Variants in CDK11A observed in about 807,000 individuals in gnomAD.
CDK11A encodes cyclin dependent kinase 11A, also known as cyclin-dependent kinase 11A.
In CDK11A, 55 loss-of-function variants were observed where a neutral mutation model predicts 83.6. The observed-to-expected ratio is 0.66, with a 90% CI of 0.53 to 0.82. CDK11A has a LOEUF of 0.82. CDK11A is among the 40% of genes least tolerant of loss of function. The probability of loss-of-function intolerance (pLI) is 0.00; values close to 1 mark genes in which losing one functional copy is unlikely to be tolerated. For missense variants in CDK11A, 564 were observed against 810.1 expected (o/e 0.70, Z 3.69); for synonymous variants, 247 against 302.7 (o/e 0.82, Z 1.91).
chr1:1,708,592 G>C lies in CDK11A; in HGVS notation c.1003+202C>G, dbSNP rs1185041311. On this transcript the variant is annotated intron_variant, in intron 9 of 19. Coordinates refer to ENST00000404249, the MANE Select transcript of CDK11A (RefSeq NM_024011.4). ...GGAGGCAGAGGTTGCAGTGAGCCGA[G>C]ATCATGCCACTGCACTCCAGCCTGG... Among the ~76,000 whole-genome samples, 480 of 133,624 alleles carry C rather than the reference G, an allele frequency of 3.6e-3. 8 individuals carry two copies. The highest frequency in any genetic ancestry group is 0.013 in the African/African-American group (464 of 37,026). The allele number at this position is 133,624 out of a possible 152,430, so 87.7% of individuals were successfully genotyped here.
chr1:1,713,858 C>A lies in CDK11A; in HGVS notation c.489-1458G>T, dbSNP rs1349142233. Reference sequence around the variant, plus strand: ...AGTATTTCCTTTAAGGCAGGTTTCGCCAACAATGAATCCCACCAGTCTCTG... The same window carrying A: ...AGTATTTCCTTTAAGGCAGGTTTCGACAACAATGAATCCCACCAGTCTCTG... On this transcript the variant is annotated intron_variant, in intron 5 of 19. Transcript: ENST00000404249. 8.9e-5 allele frequency among the ~76,000 whole-genome samples: 4 copies of A among 45,020 alleles called. 2 individuals carry two copies. The highest frequency in any genetic ancestry group is 1.5e-4 in the African/African-American group (4 of 26,050). The allele number at this position is 45,020 out of a possible 152,430, so 29.5% of individuals were successfully genotyped here. A position where few individuals can be genotyped will look rare whatever the true frequency, so the allele number is the denominator to read the frequency against.
chr1:1,707,115 G>A (rs1394107425), intron 11 of CDK11A, among the ~76,000 whole-genome samples: 21 of 143,670 alleles, frequency 1.5e-4, no homozygotes, highest in Non-Finnish European at 2.7e-4. Context: ...GTGCGGAGGA[G>A]GACGCAACTC....
At position 1,704,954 on chromosome 1, in the gene CDK11A, C is replaced by G. The variant is rs547132690; in HGVS notation, c.1408G>C (p.Glu470Gln). 16 of 1,598,184 alleles carry G rather than the reference C, an allele frequency of 1.0e-5. No homozygotes were observed. The African/African-American group carries it at 1.9e-4, about 18-fold the overall frequency. ...TGGGCCTTGAGGATGGTGTTGATCT[C>G]CCTCAGGGACGTGATCGGGAAGCCC... ...KEGFPITSLR[E>Q]INTILKAQHP... The change falls in exon 13 of 20, where the codon GAG becomes CAG. Residue 470 changes from glutamate (E) to glutamine (Q), a missense_variant. Glu to Gln is a conservative substitution (Grantham distance 29). Transcript: ENST00000404249.
At chr1:1,704,170 T>A in intron 15 of CDK11A, 24 bp from the exon 16 acceptor site, 1 of 1,607,004 alleles carries the variant, frequency 6.2e-7, no homozygotes, top group South Asian at 1.1e-5. Context: ...TGGGCGGCTG[T>A]GGGTGGGCCT....
At chr1:1,714,765 G>A (rs1168306807) in intron 5 of CDK11A, among the ~76,000 whole-genome samples, 2 of 135,834 alleles carry the variant, frequency 1.5e-5, no homozygotes, top group African/African-American at 2.6e-5. Flanking sequence ...GGCGTCATTC[G>A]CATCTGTGGC....
intron 6 of CDK11A, among the ~76,000 whole-genome samples, chr1:1,710,409 C>G (rs961385436): frequency 1.5e-5 from 1 of 68,622 alleles, no homozygotes; most frequent in Non-Finnish European, 3.6e-5. Flanking sequence ...GGAAAAGGCT[C>G]AGGCTCAGAA....
Position 1,708,262 on chromosome 1 carries a change from G to T in CDK11A, c.1004-17C>A. 1 of 1,502,260 alleles carries T rather than the reference G, an allele frequency of 6.7e-7. No homozygotes were observed. Among genetic ancestry groups the T allele is most frequent in the South Asian group, 1.2e-5 (1 of 81,738 alleles). The allele number at this position is 1,502,260 out of a possible 1,614,324, so 93.1% of individuals were successfully genotyped here. A position where few individuals can be genotyped will look rare whatever the true frequency, so the allele number is the denominator to read the frequency against. On this transcript the variant is annotated splice_polypyrimidine_tract_variant and intron_variant, in intron 9 of 19. Coordinates refer to ENST00000404249, the MANE Select transcript of CDK11A (RefSeq NM_024011.4). ...TTACTTCTTCTGCAAGAGAAAGGAG[G>T]CGTCTGCTCAGACCAGCACCGGGGC... is the stretch of plus-strand genomic sequence containing the variant.
chr1:1,718,019 T>C (rs200990937), intron 4 of CDK11A, among the ~76,000 whole-genome samples: 34 of 127,770 alleles, frequency 2.7e-4, no homozygotes, highest in Non-Finnish European at 5.1e-4. Context: ...TTTCGGTCTG[T>C]GACACACGCA....
In CDK11A at chr1:1,707,015, C is replaced by G. The variant is rs1173067869; in HGVS notation, c.1245+394G>C. 3.5e-5 allele frequency among the ~76,000 whole-genome samples: 5 copies of G among 143,282 alleles called. 1 individual carries two copies. Among genetic ancestry groups the G allele is most frequent in the Admixed American group, 1.4e-4 (2 of 14,778 alleles). The allele number at this position is 143,282 out of a possible 152,430, so 94.0% of individuals were successfully genotyped here. A position where few individuals can be genotyped will look rare whatever the true frequency, so the allele number is the denominator to read the frequency against. ...ACACTGACTCCCGTAGCCGCTCCCC[C>G]ATCCAAGCCCTGCACAGATGCCGGT... On this transcript the variant is annotated intron_variant, in intron 11 of 19. Coordinates refer to ENST00000404249, the MANE Select transcript of CDK11A (RefSeq NM_024011.4).
At position 1,705,731 on chromosome 1, in the gene CDK11A, C is replaced by G; in HGVS notation, c.1247G>C (p.Gly416Ala). Residue 416 changes from glycine (G) to alanine (A), a missense_variant and splice_region_variant, in exon 12 of 20, where the codon GGC (glycine) becomes GCC (alanine). Gly to Ala is a moderately conservative substitution (Grantham distance 60). This residue lies in a region of CDK11A where 361 missense variants were observed against 402.7 expected (regional missense o/e 0.90). Coordinates refer to ENST00000404249, the MANE Select transcript of CDK11A (RefSeq NM_024011.4). Reference sequence around the variant, plus strand: ...CTGGAACTCCTCGACGCTCCGGCAGCCCTGGGAAGGAAGCGCCTGTGTGAG... The same window carrying G: ...CTGGAACTCCTCGACGCTCCGGCAGGCCTGGGAAGGAAGCGCCTGTGTGAG... ...ELPKYLPALQ[G>A]CRSVEEFQCL... The G allele has an allele frequency of 1.8e-6, 1 of 559,034 alleles. No homozygotes were observed. The highest frequency in any genetic ancestry group is 3.1e-6 in the Non-Finnish European group (1 of 326,360). The allele number at this position is 559,034 out of a possible 1,614,324, so 34.6% of individuals were successfully genotyped here.
chr1:1,706,073 T>G lies in CDK11A; in HGVS notation c.1246-341A>C, dbSNP rs982421001. ...GCCTGGCCAACATAGCAACACTCTG[T>G]TTTCTTTTTTTCTTTTTGAGATGGA... On this transcript the variant is annotated intron_variant, in intron 11 of 19. Coordinates refer to ENST00000404249, the MANE Select transcript of CDK11A (RefSeq NM_024011.4). 1.1e-3 allele frequency among the ~76,000 whole-genome samples: 166 copies of G among 150,392 alleles called. 2 individuals carry two copies. Among genetic ancestry groups the G allele is most frequent in the South Asian group, 4.2e-4 (2 of 4,710 alleles).
Position 1,718,569 on chromosome 1 carries a change from AG to A in CDK11A, c.355+758del, listed in dbSNP as rs1477348892. ...CGGTCTGTGACACACGCACGCTTTC[AG>A]CTAGAGTATTCTCTCTATAGCCATT... On this transcript the variant is annotated intron_variant, in intron 4 of 19. Coordinates refer to ENST00000404249, the MANE Select transcript of CDK11A (RefSeq NM_024011.4). Among the ~76,000 whole-genome samples, 5 of 150,152 alleles carry A rather than the reference AG, an allele frequency of 3.3e-5. No homozygotes were observed. In the Admixed American group the frequency reaches 3.3e-4, roughly 10 times the overall value.
rs778777791 is a variant in CDK11A at position 1,721,525 on chromosome 1, T to C, written c.227+71A>G. 9 of 1,522,670 alleles carry C rather than the reference T, an allele frequency of 5.9e-6. 2 individuals carry two copies. The highest frequency in any genetic ancestry group is 2.3e-5 in the East Asian group (1 of 43,712). 94.3% of individuals were successfully genotyped at this position (1,522,670 alleles called of 1,614,324 possible). A position where few individuals can be genotyped will look rare whatever the true frequency, so the allele number is the denominator to read the frequency against. ...TTACAATAGCACACAGTTGTCACAGTGACCCTAGGAAGGACTGGCCAGGCC... is the reference window on the plus strand; with the variant it reads ...TTACAATAGCACACAGTTGTCACAGCGACCCTAGGAAGGACTGGCCAGGCC... On this transcript the variant is annotated intron_variant, in intron 3 of 19. Coordinates refer to ENST00000404249, the MANE Select transcript of CDK11A (RefSeq NM_024011.4).
chr1:1,707,626 G>C (rs1460812933), intron 10 of CDK11A, 42 bp from the exon 11 acceptor site: 1 of 1,166,180 alleles, frequency 8.6e-7, no homozygotes, highest in South Asian at 1.4e-5. Flanking sequence ...GAGTAAGTAA[G>C]GATCATGAAC....
chr1:1,719,615 CTTTTTTTTTTTT>C (rs750830146), intron 3 of CDK11A, among the ~76,000 whole-genome samples, 160 bp from the exon 4 acceptor site: 1 of 46,034 alleles, frequency 2.2e-5, no homozygotes, highest in Non-Finnish European at 6.7e-5. Context: ...CTTCAGGCAT[CTTTTTTTTTTTT>C]TTTTTTTAGA....
At chr1:1,716,814 C>CAAAA (rs1168780288) in intron 4 of CDK11A, among the ~76,000 whole-genome samples, 1 of 76,720 alleles carries the variant, frequency 1.3e-5, no homozygotes, top group Admixed American at 1.5e-4. Flanking sequence ...GACTCCATCT[C>CAAAA]AAAAAAAAAA....
At chr1:1,716,140 C>T (rs1399877578) in intron 5 of CDK11A, among the ~76,000 whole-genome samples, 2 of 150,864 alleles carry the variant, frequency 1.3e-5, no homozygotes, top group East Asian at 1.9e-4. Flanking sequence ...TCAAATCACA[C>T]CCGTTCTTAC....
At position 1,715,815 on chromosome 1, in the gene CDK11A, G is replaced by A. The variant is rs577588829; in HGVS notation, c.488+531C>T. On this transcript the variant is annotated intron_variant, in intron 5 of 19. Transcript: ENST00000404249. ...CACAGAACAGATCTGGGGCTACACC[G>A]ATGTTCTTTCTTGGGAATCTGGCTC... Among the ~76,000 whole-genome samples the A allele has an allele frequency of 2.4e-4, 37 of 151,080 alleles. 2 individuals carry two copies. Among genetic ancestry groups the A allele is most frequent in the Non-Finnish European group, 4.9e-4 (33 of 67,660 alleles).
chr1:1,716,427 C>G lies in CDK11A; in HGVS notation c.407G>C (p.Arg136Pro). The change falls in exon 5 of 20, where the codon CGA becomes CCA. Residue 136 changes from arginine (R) to proline (P), a missense_variant. Physicochemically the swap from Arg to Pro is moderately radical, Grantham distance 103. Coordinates refer to ENST00000404249, the MANE Select transcript of CDK11A (RefSeq NM_024011.4). ...EREHERRKRH[R>P]EEQDKARREW... ...CCGGCGAGCTTTATCCTGTTCTTCT[C>G]GATGTCGTTTCCGACGTTCGTGCTC... 6.2e-7 allele frequency: 1 copy of G among 1,608,596 alleles called. No homozygotes were observed.
Sources: allele counts gnomAD v4.1 joint callset (sites outside exome capture counted in the v4.1 genomes callset), GRCh38; gene constraint gnomAD v4.1.1; regional missense constraint gnomAD v4.1.1; transcripts MANE v1.5; gene names NCBI Gene and HGNC (gene_info 2026-07-23, HGNC 2026-07-21).